SYBU: variants seen among roughly 807,000 people sequenced by gnomAD.
The protein encoded by SYBU is syntabulin.
SYBU carries 21 observed loss-of-function variants against 35.9 expected under a neutral mutation model. The ratio of observed to expected loss-of-function variants is 0.58; its 90% CI spans 0.41 to 0.84. SYBU has a LOEUF of 0.84. Ranked by LOEUF, SYBU falls within the 40% of genes least tolerant of loss-of-function variation. The pLI is 0.00. For synonymous variants in SYBU, 319 were observed against 324.3 expected, an observed-to-expected ratio of 0.98 and a Z score of 0.18; for missense variants, 768 against 848.2, an observed-to-expected ratio of 0.91 and a Z score of 1.17.
chr8:109,617,161 C>A (rs931226592), intron 3 of SYBU, among the ~76,000 whole-genome samples: 2 of 151,914 alleles, frequency 1.3e-5, no homozygotes, highest in African/African-American at 4.8e-5. Context: ...AAAATAAAAA[C>A]GTATGAAGTA....
intron 3 of SYBU, among the ~76,000 whole-genome samples, chr8:109,611,987 C>T (rs1257800720): frequency 2.0e-5 from 3 of 152,146 alleles, no homozygotes; most frequent in East Asian, 1.9e-4. Flanking sequence ...TTTATATCAA[C>T]ACGTCTTTCT....
intron 3 of SYBU, among the ~76,000 whole-genome samples, chr8:109,586,795 G>T (rs774060485): frequency 6.6e-6 from 1 of 152,190 alleles, no homozygotes. Flanking sequence ...AAATTACACT[G>T]AAATTTGGAA....
At chr8:109,677,210 A>G (rs1202922475) in intron 1 of SYBU, among the ~76,000 whole-genome samples, 2 of 152,224 alleles carry the variant, frequency 1.3e-5, no homozygotes, top group East Asian at 3.8e-4. Context: ...AAAAAAATGT[A>G]AGATACTCTA....
upstream of SYBU, chr8:109,645,469 G>C: frequency 7.9e-6 from 3 of 378,108 alleles, no homozygotes; most frequent in South Asian, 5.8e-5. Flanking sequence ...CTTTTCCCCA[G>C]CGCTGCCCTG....
At position 109,616,959 on chromosome 8, in the gene SYBU, T is replaced by C. The variant is rs560230924; in HGVS notation, c.427+1883A>G. On this transcript the variant is annotated intron_variant, in intron 3 of 6. Transcript: ENST00000276646. Reference sequence around the variant, plus strand: ...TTTGAGACCAGCCTGACCAACATGGTGAAACCCCATTTCTACTAAAAAAAA... The same window carrying C: ...TTTGAGACCAGCCTGACCAACATGGCGAAACCCCATTTCTACTAAAAAAAA... Among the ~76,000 whole-genome samples, 53 of 151,836 alleles carry C rather than the reference T, an allele frequency of 3.5e-4. No individual in the cohort carries two copies. In the South Asian group the frequency reaches 8.1e-3, roughly 23 times the overall value.
intron 3 of SYBU, among the ~76,000 whole-genome samples, chr8:109,598,750 G>A (rs1033295971): frequency 3.9e-5 from 6 of 152,220 alleles, no homozygotes; most frequent in Non-Finnish European, 7.3e-5. Flanking sequence ...CAAGTGATAA[G>A]TTGTAGATGA....
At chr8:109,622,713 C>T (rs1812566827) in intron 2 of SYBU, among the ~76,000 whole-genome samples, 1 of 152,130 alleles carries the variant, frequency 6.6e-6, no homozygotes, top group Non-Finnish European at 1.5e-5. Context: ...TACCTGACTG[C>T]TGAATTTTCC....
In SYBU at chr8:109,691,205, G is replaced by A; in HGVS notation, c.-58+128C>T. ...TCGCCGAGCACCCTGGATACCTCCC[G>A]CATTGGAAAGGGTGGTCCTGGGGTC... On this transcript the variant is annotated intron_variant, in intron 1 of 7. Transcript: ENST00000422135. The surrounding 1 kb of genome is among the most constrained non-coding windows in gnomAD (Gnocchi z 4.7). 3.3e-6 allele frequency: 2 copies of A among 605,932 alleles called. No homozygotes were observed. The highest frequency in any genetic ancestry group is 3.2e-5 in the East Asian group (1 of 30,842). The allele number at this position is 605,932 out of a possible 1,614,324, so 37.5% of individuals were successfully genotyped here.
At chr8:109,611,838 A>T (rs1811204188) in intron 3 of SYBU, among the ~76,000 whole-genome samples, 1 of 152,182 alleles carries the variant, frequency 6.6e-6, no homozygotes, top group African/African-American at 2.4e-5. Flanking sequence ...AACTTTCTGT[A>T]CTTCATTGCA....
At chr8:109,656,383 A>T (rs1816356633) in intron 1 of SYBU, among the ~76,000 whole-genome samples, 2 of 152,216 alleles carry the variant, frequency 1.3e-5, no homozygotes, top group Admixed American at 6.5e-5. Flanking sequence ...CTCTCTGCAG[A>T]GTTCTAAATT....
At chr8:109,641,684 T>C (rs1371981991) in intron 2 of SYBU, among the ~76,000 whole-genome samples, 1 of 152,250 alleles carries the variant, frequency 6.6e-6, no homozygotes, top group African/African-American at 2.4e-5. Flanking sequence ...TAATTAGAGG[T>C]ACACAGGCTT....
chr8:109,664,629 G>A (rs1307348117), intron 1 of SYBU, among the ~76,000 whole-genome samples: 2 of 152,210 alleles, frequency 1.3e-5, no homozygotes, highest in African/African-American at 4.8e-5. Flanking sequence ...GAGATTAGAA[G>A]AGGGAGAGTC....
At position 109,579,678 on chromosome 8, in the gene SYBU, G is replaced by T. The variant is rs900182641; in HGVS notation, c.734+121C>A. On this transcript the variant is annotated intron_variant, in intron 5 of 6. Transcript: ENST00000276646. ...TGAGCCGAATGTGGGAAAGAAAAAT[G>T]CAGTGTCTTGTAGAATCAGGCAAGG... 36 of 892,382 alleles carry T rather than the reference G, an allele frequency of 4.0e-5. No individual in the cohort carries two copies. In the African/African-American group the frequency reaches 5.8e-4, roughly 14 times the overall value. The allele number at this position is 892,382 out of a possible 1,614,324, so 55.3% of individuals were successfully genotyped here. A position where few individuals can be genotyped will look rare whatever the true frequency, so the allele number is the denominator to read the frequency against.
intron 1 of SYBU, among the ~76,000 whole-genome samples, chr8:109,658,230 C>G (rs1306676839): frequency 6.6e-6 from 1 of 152,064 alleles, no homozygotes. Context: ...ACTTTTAGGC[C>G]TTTTGTGATT....
At chr8:109,590,388 T>C (rs1185760731) in intron 3 of SYBU, among the ~76,000 whole-genome samples, 2 of 150,582 alleles carry the variant, frequency 1.3e-5, no homozygotes, top group Admixed American at 6.6e-5. Context: ...GAGCCATACA[T>C]TGATAAGATA....
intron 3 of SYBU, among the ~76,000 whole-genome samples, chr8:109,601,802 T>A (rs1825557858): frequency 6.6e-6 from 1 of 152,188 alleles, no homozygotes; most frequent in Non-Finnish European, 1.5e-5. Flanking sequence ...AATATAGTGA[T>A]CATATGAGAA....
Position 109,574,338 on chromosome 8 carries a change from G to GT in SYBU, c.*567dup, listed in dbSNP as rs376924657. The GT allele has an allele frequency of 7.9e-5, 12 of 152,714 alleles. No individual in the cohort carries two copies. Among genetic ancestry groups the GT allele is most frequent in the African/African-American group, 2.6e-4 (11 of 41,566 alleles). 9.5% of individuals were successfully genotyped at this position (152,714 alleles called of 1,614,324 possible). A position where few individuals can be genotyped will look rare whatever the true frequency, so the allele number is the denominator to read the frequency against. ...TTATGCACAGTTTCATCAATTAACA[G>GT]TTTAAGAACAAACAAGCCATTTAAG... On this transcript the variant is annotated 3_prime_UTR_variant, in exon 7 of 7. Coordinates refer to ENST00000276646, the MANE Select transcript of SYBU (RefSeq NM_001099754.2).
rs1436181532 is a variant in SYBU at position 109,584,466 on chromosome 8, C to A, written c.530+1594G>T. ...TTTCTATATTGTTTGATACTTTGTT[C>A]CATGTGTATGTCATAATTTCTTGAG... On this transcript the variant is annotated intron_variant, in intron 4 of 6. Transcript: ENST00000276646. This position sits in a 1 kb window ranked among gnomAD's most constrained non-coding sequence, Gnocchi z 4.0. Among the ~76,000 whole-genome samples the A allele has an allele frequency of 6.6e-6, 1 of 152,052 alleles. No individual in the cohort carries two copies. The highest frequency in any genetic ancestry group is 1.5e-5 in the Non-Finnish European group (1 of 68,008).
chr8:109,691,501 A>G lies in SYBU; in HGVS notation c.-226T>C, dbSNP rs1014536890. ...GGGCCCGGCCCGCTCCGCCCGCCTT[A>G]GCCCGGCTTGGACACGTGGTGCCGC... On this transcript the variant is annotated 5_prime_UTR_variant, in exon 1 of 8. Transcript: ENST00000422135. The surrounding 1 kb of genome is among the most constrained non-coding windows in gnomAD (Gnocchi z 4.7). The G allele has an allele frequency of 5.9e-6, 3 of 512,138 alleles. No homozygotes were observed. The highest frequency in any genetic ancestry group is 3.5e-5 in the East Asian group (1 of 28,274). The allele number at this position is 512,138 out of a possible 1,614,324, so 31.7% of individuals were successfully genotyped here. A position where few individuals can be genotyped will look rare whatever the true frequency, so the allele number is the denominator to read the frequency against.
Sources: gnomAD v4.1 joint callset for allele counts (sites outside exome capture counted in the v4.1 genomes callset) on GRCh38, gnomAD v4.1.1 for gene constraint, Gnocchi (gnomAD v3.1) non-coding constraint, MANE v1.5 for transcripts, NCBI Gene and HGNC (gene_info 2026-07-23, HGNC 2026-07-21) for gene names.